Variants in ARHGEF2 observed in about 807,000 individuals in gnomAD.
The protein encoded by ARHGEF2 is Rho/Rac guanine nucleotide exchange factor 2, also known as rho guanine nucleotide exchange factor 2.
A neutral mutation model predicts 121.0 loss-of-function variants in ARHGEF2; 22 were observed. That is an observed-to-expected ratio of 0.18 (90% CI 0.13 to 0.26). The LOEUF is 0.26. Ranked by LOEUF, ARHGEF2 falls within the 10% of genes least tolerant of loss-of-function variation. The pLI is 1.00. For synonymous variants in ARHGEF2, 487 were observed against 530.0 expected (o/e 0.92, Z 1.11); for missense variants, 907 against 1,336.0 (o/e 0.68, Z 5.01).
In ARHGEF2 at chr1:155,951,863, G is replaced by A. The variant is rs927120541; in HGVS notation, c.2172+56C>T. 2 of 1,612,648 alleles carry A rather than the reference G, an allele frequency of 1.2e-6. No homozygotes were observed. The highest frequency in any genetic ancestry group is 1.7e-6 in the Non-Finnish European group (2 of 1,179,484). On this transcript the variant is annotated intron_variant, in intron 17 of 21. Coordinates refer to ENST00000361247, the MANE Select transcript of ARHGEF2 (RefSeq NM_001162383.2). This position sits in a 1 kb window ranked among gnomAD's most constrained non-coding sequence, Gnocchi z 5.1. ...ACAGCTTTGTGTTGAGGATCCAGAG[G>A]CTGGCTGTCCCTCTCCCACCCTCTT...
intron 7 of ARHGEF2, among the ~76,000 whole-genome samples, chr1:155,964,084 G>A (rs1376683469): frequency 5.5e-5 from 8 of 145,070 alleles, no homozygotes; most frequent in African/African-American, 7.8e-5. Context: ...GGCGGAGGTT[G>A]CAGTGAGCCG....
At chr1:155,949,457 G>A (rs1032501418) in intron 21 of ARHGEF2, among the ~76,000 whole-genome samples, 2 of 150,878 alleles carry the variant, frequency 1.3e-5, no homozygotes, top group African/African-American at 4.9e-5. Context: ...GCATGTGCCT[G>A]TAGTCCCAGC....
intron 11 of ARHGEF2, among the ~76,000 whole-genome samples, chr1:155,960,620 T>C (rs1324487957): frequency 1.3e-5 from 2 of 152,158 alleles, no homozygotes; most frequent in Admixed American, 6.5e-5. Context: ...CCATGGTTTA[T>C]ATTCTTAGCT....
intron 14 of ARHGEF2, among the ~76,000 whole-genome samples, chr1:155,953,746 CAAA>C (rs926082849): frequency 2.2e-5 from 1 of 45,282 alleles, no homozygotes. Flanking sequence ...GACCCTGTCT[CAAA>C]AAAAAAAAAA....
chr1:155,953,746 C>CA (rs926082849), intron 14 of ARHGEF2, among the ~76,000 whole-genome samples: 1,514 of 44,292 alleles, frequency 0.034, 24 homozygotes, highest in African/African-American at 0.08. Context: ...GACCCTGTCT[C>CA]AAAAAAAAAA....
At position 155,966,685 on chromosome 1, in the gene ARHGEF2, T is replaced by C. The variant is rs1407620854; in HGVS notation, c.276+135A>G. ...CCTACTTGGGGCCCGAGGCCTGGGGTTGAGGGTCTGGGCTGCCCCTTGGTG... is the reference window on the plus strand; with the variant it reads ...CCTACTTGGGGCCCGAGGCCTGGGGCTGAGGGTCTGGGCTGCCCCTTGGTG... On this transcript the variant is annotated intron_variant, in intron 3 of 21. Coordinates refer to ENST00000361247, the MANE Select transcript of ARHGEF2 (RefSeq NM_001162383.2). 6.1e-6 allele frequency: 7 copies of C among 1,141,018 alleles called. No homozygotes were observed. In the East Asian group the frequency reaches 1.4e-4, roughly 23 times the overall value. The allele number at this position is 1,141,018 out of a possible 1,614,324, so 70.7% of individuals were successfully genotyped here.
In ARHGEF2 at chr1:155,977,635, A is replaced by G. The variant is rs146886718; in HGVS notation, c.63+730T>C. ...CGGGGCAGATAGGGATGGAGGCCCT[A>G]TGTTCCAGGCAGAAGGGCTCAGGAT... On this transcript the variant is annotated intron_variant, in intron 1 of 21. Transcript: ENST00000361247. 7.0e-3 allele frequency among the ~76,000 whole-genome samples: 1,072 copies of G among 152,244 alleles called. 11 individuals are homozygous for G. The highest frequency in any genetic ancestry group is 0.024 in the African/African-American group (1,015 of 41,524).
At position 155,958,394 on chromosome 1, in the gene ARHGEF2, C is replaced by A; in HGVS notation, c.1471G>T (p.Val491Leu). The change falls in exon 12 of 22, where the codon GTG (valine) becomes TTG (leucine). Residue 491 changes from valine to leucine, a missense_variant and splice_region_variant. Physicochemically the swap from Val to Leu is conservative, Grantham distance 32. Transcript: ENST00000361247. ...ACATCTGTCATCAGCAGCACTAGCA[C>A]ATCTGGAAGGGGATGAAGGTGGGAG... ...WKTATGRFKD[V>L]LVLLMTDVLV... 1 of 1,613,516 alleles carries A rather than the reference C, an allele frequency of 6.2e-7. No homozygotes were observed. The highest frequency in any genetic ancestry group is 8.5e-7 in the Non-Finnish European group (1 of 1,179,548).
In ARHGEF2 at chr1:155,962,981, G is replaced by A. The variant is rs149549645; in HGVS notation, c.927C>T (p.Ser309=). 17 of 1,614,088 alleles carry A rather than the reference G, an allele frequency of 1.1e-5. No homozygotes were observed. The African/African-American group carries it at 1.9e-4, about 18-fold the overall frequency. ...AGCGATGGATGACAAAGTTCCGGGT[G>A]CTGCCAGGGCACAGGGCCTGGCGTC... ...ERRRQALCPG[S]TRNFVIHRLG... The change falls in exon 8 of 22, where the codon AGC becomes AGT. Residue 309 remains serine (S), a synonymous_variant. Transcript: ENST00000361247. The surrounding 1 kb of genome is among the most constrained non-coding windows in gnomAD (Gnocchi z 5.8).
At position 155,958,435 on chromosome 1, in the gene ARHGEF2, A is replaced by G. The variant is rs749264481; in HGVS notation, c.1469-39T>C. 2.6e-6 allele frequency: 4 copies of G among 1,547,742 alleles called. No homozygotes were observed. The East Asian group carries it at 9.0e-5, about 35-fold the overall frequency. On this transcript the variant is annotated intron_variant, in intron 11 of 21. Coordinates refer to ENST00000361247, the MANE Select transcript of ARHGEF2 (RefSeq NM_001162383.2). ...AAGGTGGGAGAACAGTCAGCACTAGACGGTCTGAGCAGCTGCTTCCCTCTT... is the reference window on the plus strand; with the variant it reads ...AAGGTGGGAGAACAGTCAGCACTAGGCGGTCTGAGCAGCTGCTTCCCTCTT...
intron 21 of ARHGEF2, among the ~76,000 whole-genome samples, chr1:155,949,792 G>T (rs1164782684): frequency 2.0e-5 from 3 of 151,690 alleles, no homozygotes; most frequent in Non-Finnish European, 4.4e-5. Context: ...CAGGAGAATC[G>T]CTTGAACCTG....
chr1:155,954,445 G>A (rs1175147032), intron 14 of ARHGEF2, among the ~76,000 whole-genome samples: 11 of 146,186 alleles, frequency 7.5e-5, no homozygotes, highest in Non-Finnish European at 9.0e-5. Flanking sequence ...CACCACCCCC[G>A]ACTAATTTTT....
chr1:155,963,344 C>CTTTTTT, intron 7 of ARHGEF2, among the ~76,000 whole-genome samples, 161 bp from the exon 8 acceptor site: 1 of 91,358 alleles, frequency 1.1e-5, no homozygotes, highest in Non-Finnish European at 2.4e-5. Context: ...TCATTTTTAT[C>CTTTTTT]TTTTTTTTTT....
chr1:155,955,739 A>G (rs1229982367), intron 13 of ARHGEF2, among the ~76,000 whole-genome samples: 1 of 151,710 alleles, frequency 6.6e-6, no homozygotes, highest in Non-Finnish European at 1.5e-5. Flanking sequence ...TTTTTGAGAG[A>G]GAGTCTTGCA....
At position 155,965,739 on chromosome 1, in the gene ARHGEF2, C is replaced by T. The variant is rs764650666; in HGVS notation, c.362G>A (p.Ser121Asn). 1 of 1,600,090 alleles carries T rather than the reference C, an allele frequency of 6.2e-7. No individual in the cohort carries two copies. The highest frequency in any genetic ancestry group is 1.1e-5 in the South Asian group (1 of 89,442). ...GCTGTCGGAGGGGTAGATGGCCGAG[C>T]TTGGCCGCTCCCGGATGGTTGCTGT... is the stretch of plus-strand genomic sequence containing the variant. Reference protein sequence around the residue: ...RSKTTIRERPSSAIYPSDSFR... With the variant: ...RSKTTIRERPNSAIYPSDSFR... The change falls in exon 5 of 22, where the codon AGC becomes AAC. Residue 121 changes from serine to asparagine, a missense_variant. Physicochemically the swap from Ser to Asn is conservative, Grantham distance 46. Coordinates refer to ENST00000361247, the MANE Select transcript of ARHGEF2 (RefSeq NM_001162383.2). This position sits in a 1 kb window ranked among gnomAD's most constrained non-coding sequence, Gnocchi z 6.0.
chr1:155,969,942 C>A, intron 1 of ARHGEF2: 1 of 985,438 alleles, frequency 1.0e-6, no homozygotes, highest in Non-Finnish European at 1.2e-6. Flanking sequence ...CAGGGCCTGT[C>A]TGGGAGGCAG....
chr1:155,969,808 G>C (rs1045668756), intron 1 of ARHGEF2: 4 of 986,940 alleles, frequency 4.1e-6, no homozygotes, highest in South Asian at 4.7e-5. Flanking sequence ...GTCACAGTGG[G>C]GGGGGCAGGA....
At chr1:155,977,370 G>A (rs1448987044) in intron 1 of ARHGEF2, among the ~76,000 whole-genome samples, 4 of 152,156 alleles carry the variant, frequency 2.6e-5, no homozygotes, top group Non-Finnish European at 5.9e-5. Flanking sequence ...ATGGGGCTGG[G>A]TACAAAGGCA....
chr1:155,951,144 G>A lies in ARHGEF2; in HGVS notation c.2388C>T (p.Ala796=). The A allele has an allele frequency of 1.2e-6, 2 of 1,604,376 alleles. No homozygotes were observed. Among genetic ancestry groups the A allele is most frequent in the Non-Finnish European group, 8.5e-7 (1 of 1,177,066 alleles). ...CCAGTTCCGTGGCCTGCTTTTCAGGGGCCACAGGGGCAGCCCCAGCCCTGC... is the reference window on the plus strand; with the variant it reads ...CCAGTTCCGTGGCCTGCTTTTCAGGAGCCACAGGGGCAGCCCCAGCCCTGC... ...EAGRAGAAPV[A]PEKQATELAL... The change falls in exon 20 of 22, where the codon GCC becomes GCT. Residue 796 remains alanine, a synonymous_variant. Transcript: ENST00000361247. The surrounding 1 kb of genome is among the most constrained non-coding windows in gnomAD (Gnocchi z 5.1).
Sources: allele counts gnomAD v4.1 joint callset (sites outside exome capture counted in the v4.1 genomes callset), GRCh38; gene constraint gnomAD v4.1.1; non-coding constraint Gnocchi (gnomAD v3.1); transcripts MANE v1.5; gene names NCBI Gene and HGNC (gene_info 2026-07-23, HGNC 2026-07-21).